Variants in BMERB1 observed in about 807,000 individuals in gnomAD.
BMERB1 encodes bMERB domain containing 1.
In BMERB1, 12 loss-of-function variants were observed where a neutral mutation model predicts 23.6. That is an observed-to-expected ratio of 0.51 (90% CI 0.33 to 0.82). The LOEUF is 0.82. Ranked by LOEUF, BMERB1 falls within the 40% of genes least tolerant of loss-of-function variation. The probability of loss-of-function intolerance (pLI) is 0.03; values close to 1 mark genes in which losing one functional copy is unlikely to be tolerated. For synonymous variants in BMERB1, 122 were observed against 96.6 expected (o/e 1.26, Z -1.54); for missense variants, 247 against 255.4 (o/e 0.97, Z 0.22).
chr16:15,438,357 G>C lies in BMERB1; in HGVS notation c.106+3598G>C, dbSNP rs1598438738. On this transcript the variant is annotated intron_variant, in intron 1 of 5. Coordinates refer to ENST00000300006, the MANE Select transcript of BMERB1 (RefSeq NM_033201.3). The stretch of plus-strand genomic sequence containing the variant: ...CCACCTCAGCCTTCCAAAGTGCTGG[G>C]ATTACAGGCATGAGCCACCACACCT... 2.0e-5 allele frequency among the ~76,000 whole-genome samples: 3 copies of C among 152,068 alleles called. No individual in the cohort carries two copies. The East Asian group carries it at 5.8e-4, about 30-fold the overall frequency.
At chr16:15,449,605 G>C (rs2051023428) in intron 1 of BMERB1, among the ~76,000 whole-genome samples, 1 of 151,766 alleles carries the variant, frequency 6.6e-6, no homozygotes, top group Non-Finnish European at 1.5e-5. Context: ...GAGTGCAATG[G>C]TGTGATCTCA....
chr16:15,440,051 C>A (rs772092250), intron 1 of BMERB1, among the ~76,000 whole-genome samples: 13 of 151,710 alleles, frequency 8.6e-5, no homozygotes, highest in Non-Finnish European at 1.9e-4. Context: ...TCGAGGCCAG[C>A]TGTCCCAACA....
At chr16:15,502,178 C>G in intron 1 of BMERB1, 2 of 1,018,952 alleles carry the variant, frequency 2.0e-6, no homozygotes, top group Non-Finnish European at 2.9e-6. Flanking sequence ...TCCTGAATTA[C>G]TTTTGTGTCC....
At chr16:15,566,085 T>G (rs1018985174) in intron 2 of BMERB1, among the ~76,000 whole-genome samples, 2 of 152,166 alleles carry the variant, frequency 1.3e-5, no homozygotes, top group African/African-American at 4.8e-5. Context: ...AAAGCCAGCC[T>G]TAGTAATCAA....
At chr16:15,468,736 G>A (rs1043639001) in intron 1 of BMERB1, among the ~76,000 whole-genome samples, 3 of 152,082 alleles carry the variant, frequency 2.0e-5, no homozygotes, top group Admixed American at 2.0e-4. Context: ...TTATGCTTTG[G>A]TGTCAAATCT....
intron 2 of BMERB1, among the ~76,000 whole-genome samples, chr16:15,526,007 T>C (rs543456195): frequency 3.3e-5 from 5 of 152,224 alleles, no homozygotes; most frequent in Non-Finnish European, 7.3e-5. Context: ...AGTAGCTTCA[T>C]GTGGCTATTT....
At chr16:15,528,878 G>C (rs1372069330) in intron 2 of BMERB1, among the ~76,000 whole-genome samples, 2 of 152,078 alleles carry the variant, frequency 1.3e-5, no homozygotes, top group Admixed American at 6.6e-5. Flanking sequence ...AGAGGCCCAG[G>C]GTAGCTTGTT....
chr16:15,453,760 G>A (rs978412962), intron 1 of BMERB1, among the ~76,000 whole-genome samples: 1 of 152,084 alleles, frequency 6.6e-6, no homozygotes, highest in African/African-American at 2.4e-5. Context: ...TGTACACCCA[G>A]CTACACGAGA....
In BMERB1 at chr16:15,586,769, C is replaced by G; in HGVS notation, c.555C>G (p.Ala185=). Residue 185 remains alanine, a synonymous_variant, in exon 6 of 6, where the codon GCC becomes GCG. Transcript: ENST00000300006. ...AEPPPSKPTV[A]KTGLALIKDC... The stretch of plus-strand genomic sequence containing the variant: ...CCCCACCTAGCAAGCCCACGGTGGC[C>G]AAGACGGGGCTGGCACTGATCAAGG... The G allele has an allele frequency of 6.2e-7, 1 of 1,612,718 alleles. No homozygotes were observed.
At chr16:15,566,774 T>C (rs189274246) in intron 2 of BMERB1, among the ~76,000 whole-genome samples, 1 of 152,254 alleles carries the variant, frequency 6.6e-6, no homozygotes, top group Admixed American at 6.5e-5. Flanking sequence ...TATACTGATA[T>C]GGAAAGATGA....
rs1338926933 is a variant in BMERB1 at position 15,528,210 on chromosome 16, T to C, written c.230+12782T>C. On this transcript the variant is annotated intron_variant, in intron 2 of 5. Coordinates refer to ENST00000300006, the MANE Select transcript of BMERB1 (RefSeq NM_033201.3). ...ATGAAGATGCCAGCAGATTCCATACTTAGAAGGGCTCATTCTCTGCTTCCA... is the reference window on the plus strand; with the variant it reads ...ATGAAGATGCCAGCAGATTCCATACCTAGAAGGGCTCATTCTCTGCTTCCA... Among the ~76,000 whole-genome samples the C allele has an allele frequency of 2.6e-5, 4 of 152,112 alleles. No homozygotes were observed. The East Asian group carries it at 7.7e-4, about 29-fold the overall frequency.
intron 2 of BMERB1, among the ~76,000 whole-genome samples, chr16:15,519,035 T>C (rs1300405140): frequency 6.6e-6 from 1 of 151,118 alleles, no homozygotes; most frequent in Admixed American, 6.6e-5. Context: ...GTGCAATAAA[T>C]TATTCTTTCT....
intron 2 of BMERB1, among the ~76,000 whole-genome samples, chr16:15,516,406 T>C (rs28393495): frequency 0.41 from 61,980 of 151,938 alleles, 14,455 homozygotes; most frequent in African/African-American, 0.61. Context: ...GGAGACACAG[T>C]GAGAGCCTGT....
chr16:15,575,814 C>G (rs1294623852), intron 3 of BMERB1, among the ~76,000 whole-genome samples: 2 of 151,700 alleles, frequency 1.3e-5, no homozygotes, highest in Non-Finnish European at 2.9e-5. Flanking sequence ...TCGCAGAAAG[C>G]TTTTGCAGTT....
At chr16:15,443,808 A>C (rs2050961933) in intron 1 of BMERB1, among the ~76,000 whole-genome samples, 2 of 151,896 alleles carry the variant, frequency 1.3e-5, no homozygotes, top group African/African-American at 4.8e-5. Context: ...GATTCCAGCT[A>C]CTCGGGAGCC....
Position 15,465,386 on chromosome 16 carries a change from T to C in BMERB1, c.106+30627T>C, listed in dbSNP as rs2150929464. Among the ~76,000 whole-genome samples the C allele has an allele frequency of 2.0e-5, 3 of 149,806 alleles. No individual in the cohort carries two copies. In the Middle Eastern group the frequency reaches 0.01, roughly 510 times the overall value. On this transcript the variant is annotated intron_variant, in intron 1 of 5. Coordinates refer to ENST00000300006, the MANE Select transcript of BMERB1 (RefSeq NM_033201.3). Reference sequence around the variant, plus strand: ...TTTTTTTTTTGAGACTGGGTCTCAATGTGTCACCCAGGCTGGAGTGCAGTG... The same window carrying C: ...TTTTTTTTTTGAGACTGGGTCTCAACGTGTCACCCAGGCTGGAGTGCAGTG...
intron 1 of BMERB1, among the ~76,000 whole-genome samples, chr16:15,446,011 A>G (rs1034855658): frequency 6.6e-6 from 1 of 152,222 alleles, no homozygotes; most frequent in African/African-American, 2.4e-5. Flanking sequence ...TACATACTGT[A>G]TGAGTCCGCT....
At chr16:15,574,815 C>G (rs375584433) in intron 3 of BMERB1, among the ~76,000 whole-genome samples, 1 of 152,020 alleles carries the variant, frequency 6.6e-6, no homozygotes, top group African/African-American at 2.4e-5. Context: ...CAGTGGCTCA[C>G]GCGTATAATC....
intron 1 of BMERB1, among the ~76,000 whole-genome samples, chr16:15,503,523 C>T (rs532292395): frequency 8.0e-5 from 12 of 149,980 alleles, no homozygotes; most frequent in Non-Finnish European, 1.0e-4. Context: ...TGGTCTCGAT[C>T]TCCTGACCTC....
Sources: allele counts gnomAD v4.1 joint callset (sites outside exome capture counted in the v4.1 genomes callset), GRCh38; gene constraint gnomAD v4.1.1; transcripts MANE v1.5; gene names NCBI Gene and HGNC (gene_info 2026-07-23, HGNC 2026-07-21).